The following SLC26A5 variants were observed in gnomAD, a reference collection of about 807,000 sequenced individuals.
SLC26A5 encodes the protein solute carrier family 26 member 5.
SLC26A5 carries 51 observed loss-of-function variants against 81.0 expected under a neutral mutation model. The observed-to-expected ratio is 0.63, with a 90% CI of 0.50 to 0.80. The LOEUF (loss-of-function observed/expected upper bound fraction) is 0.80, where lower values mean the gene tolerates loss of function less well. Ranked by LOEUF, SLC26A5 falls within the 30% of genes least tolerant of loss-of-function variation. SLC26A5 has a pLI of 0.00. For synonymous variants in SLC26A5, 325 were observed against 332.8 expected (o/e 0.98, Z 0.25); for missense variants, 771 against 905.8 (o/e 0.85, Z 1.91).
chr7:103,423,561 A>G (rs1825512942), intron 2 of SLC26A5, among the ~76,000 whole-genome samples: 1 of 152,158 alleles, frequency 6.6e-6, no homozygotes, highest in African/African-American at 2.4e-5. Flanking sequence ...GCACTCACGA[A>G]TGGGATTAAG....
At chr7:103,393,093 G>A (rs775177530) in intron 9 of SLC26A5, 27 bp from the exon 10 acceptor site, 1 of 1,613,654 alleles carries the variant, frequency 6.2e-7, no homozygotes, top group South Asian at 1.1e-5. Flanking sequence ...CCTTTAACTT[G>A]TGTTGTGACC....
intron 2 of SLC26A5, chr7:103,433,580 A>G (rs1826231143): frequency 6.6e-6 from 1 of 152,224 alleles, no homozygotes; most frequent in Non-Finnish European, 1.5e-5. Context: ...CATTATTTCT[A>G]TAACTATGTG....
intron 14 of SLC26A5, among the ~76,000 whole-genome samples, chr7:103,381,534 C>G (rs752578677): frequency 5.9e-5 from 9 of 151,390 alleles, no homozygotes; most frequent in Non-Finnish European, 1.0e-4. Context: ...ACACAATACA[C>G]ACATACCATA....
At chr7:103,360,432 C>G (rs1003837188) in intron 19 of SLC26A5, among the ~76,000 whole-genome samples, 1 of 152,042 alleles carries the variant, frequency 6.6e-6, no homozygotes, top group Admixed American at 6.6e-5. Flanking sequence ...AAAACAGAGT[C>G]CTTCACACAA....
At position 103,391,810 on chromosome 7, in the gene SLC26A5, T is replaced by TAC. The variant is rs1205793157; in HGVS notation, c.1120-77_1120-76dup. On this transcript the variant is annotated intron_variant, in intron 10 of 19. Transcript: ENST00000306312. ...AAAAAAAGCATAATAGCCCATTTAA[T>TAC]ACACATTGTCAGCACTACAGCCTAT... 2.7e-6 allele frequency: 3 copies of TAC among 1,116,510 alleles called. No homozygotes were observed. The African/African-American group carries it at 4.6e-5, about 17-fold the overall frequency. 69.2% of individuals were successfully genotyped at this position (1,116,510 alleles called of 1,614,324 possible). A position where few individuals can be genotyped will look rare whatever the true frequency, so the allele number is the denominator to read the frequency against.
chr7:103,390,231 G>C (rs1362066462), intron 12 of SLC26A5, among the ~76,000 whole-genome samples, 198 bp downstream of exon 12: 2 of 152,176 alleles, frequency 1.3e-5, no homozygotes, highest in Admixed American at 6.5e-5. Flanking sequence ...GAGGAGTTAA[G>C]ATGGCTTTCC....
intron 19 of SLC26A5, among the ~76,000 whole-genome samples, chr7:103,356,037 T>C (rs563534184): frequency 6.6e-6 from 1 of 152,310 alleles, no homozygotes; most frequent in African/African-American, 2.4e-5. Context: ...AATGAAAAAC[T>C]CCCTTCTCAT....
downstream of SLC26A5, among the ~76,000 whole-genome samples, chr7:103,369,828 T>C (rs1220477972): frequency 6.6e-6 from 1 of 152,200 alleles, no homozygotes; most frequent in East Asian, 1.9e-4. Context: ...AACTTCTTAG[T>C]GTTAAAAATG....
In SLC26A5 at chr7:103,392,721, G is replaced by A. The variant is rs62482417; in HGVS notation, c.1119+198C>T. 0.01 allele frequency among the ~76,000 whole-genome samples: 1,568 copies of A among 152,294 alleles called. 16 individuals are homozygous for A. The highest frequency in any genetic ancestry group is 0.016 in the Non-Finnish European group (1,100 of 68,014). On this transcript the variant is annotated intron_variant, in intron 10 of 19. Transcript: ENST00000306312. ...GCCTCCCGAGTAGCTGGGACTACAG[G>A]GGCCTGCCACCATGCCCGGCTAATT... is the stretch of plus-strand genomic sequence containing the variant.
rs561652280 is a variant in SLC26A5 at position 103,403,695 on chromosome 7, C to CTTTT, written c.888+4152_888+4155dup. Among the ~76,000 whole-genome samples, 167 of 128,546 alleles carry CTTTT rather than the reference C, an allele frequency of 1.3e-3. 1 individual carries two copies. The highest frequency in any genetic ancestry group is 4.6e-3 in the African/African-American group (157 of 34,332). 84.3% of individuals were successfully genotyped at this position (128,546 alleles called of 152,430 possible). Reference sequence around the variant, plus strand: ...CAGAGACTAGAACTGCAATCCCCTGCTTTTTTTTTTTTTTTTGCTTTTCAT... The same window carrying CTTTT: ...CAGAGACTAGAACTGCAATCCCCTGCTTTTTTTTTTTTTTTTTTTTGCTTTTCAT... On this transcript the variant is annotated intron_variant, in intron 8 of 19. Coordinates refer to ENST00000306312, the MANE Select transcript of SLC26A5 (RefSeq NM_198999.3).
chr7:103,420,610 T>C (rs1825272019), intron 4 of SLC26A5, 128 bp downstream of exon 4: 1 of 1,285,596 alleles, frequency 7.8e-7, no homozygotes, highest in Non-Finnish European at 1.1e-6. Flanking sequence ...GAAGAATACC[T>C]TTAGATAGGT....
At chr7:103,378,768 T>C (rs1821551500) in intron 16 of SLC26A5, among the ~76,000 whole-genome samples, 1 of 152,220 alleles carries the variant, frequency 6.6e-6, no homozygotes, top group African/African-American at 2.4e-5. Context: ...AACCAGAAGC[T>C]AAAATATTAA....
At chr7:103,394,906 T>C (rs1487219694) in intron 9 of SLC26A5, among the ~76,000 whole-genome samples, 1 of 152,178 alleles carries the variant, frequency 6.6e-6, no homozygotes, top group Non-Finnish European at 1.5e-5. Context: ...TTCCTGTTGC[T>C]CTGAGCCACC....
In SLC26A5 at chr7:103,421,543, G is replaced by A. The variant is rs370864715; in HGVS notation, c.-29C>T. The A allele has an allele frequency of 1.9e-5, 31 of 1,612,014 alleles. No homozygotes were observed. The highest frequency in any genetic ancestry group is 1.8e-4 in the South Asian group (16 of 91,052). Reference sequence around the variant, plus strand: ...ACTCTGAAATTATTCCTTAACAGCCGGAGACAAGCATTTCCTGAGTGTCAC... The same window carrying A: ...ACTCTGAAATTATTCCTTAACAGCCAGAGACAAGCATTTCCTGAGTGTCAC... On this transcript the variant is annotated 5_prime_UTR_variant, in exon 3 of 20. Coordinates refer to ENST00000306312, the MANE Select transcript of SLC26A5 (RefSeq NM_198999.3).
At chr7:103,420,669 T>G in intron 4 of SLC26A5, 69 bp downstream of exon 4, 1 of 1,580,856 alleles carries the variant, frequency 6.3e-7, no homozygotes, top group Non-Finnish European at 8.7e-7. Flanking sequence ...GCAATCATGA[T>G]GAAATAAACA....
intron 2 of SLC26A5, chr7:103,435,160 CTTTTT>C (rs900234653): frequency 6.6e-6 from 1 of 152,088 alleles, no homozygotes; most frequent in Non-Finnish European, 1.5e-5. Flanking sequence ...TGTTCAACAT[CTTTTT>C]TATTTTCTGA....
At chr7:103,391,539 G>C (rs1822653591) in intron 11 of SLC26A5, 83 bp downstream of exon 11, 1 of 1,153,870 alleles carries the variant, frequency 8.7e-7, no homozygotes. Context: ...GAGTAGCTTT[G>C]TTTGGGTTCA....
intron 2 of SLC26A5, among the ~76,000 whole-genome samples, chr7:103,436,751 G>A (rs2382692): frequency 0.39 from 59,122 of 152,128 alleles, 15,585 homozygotes; most frequent in African/African-American, 0.74. Context: ...ATGCAGAAGA[G>A]TGAAATTGGA....
intron 1 of SLC26A5, chr7:103,445,735 T>G (rs910067585): frequency 6.6e-6 from 1 of 152,180 alleles, no homozygotes; most frequent in African/African-American, 2.4e-5. Flanking sequence ...GTAATTCGAT[T>G]TGGATACAAA....
Sources: gnomAD v4.1 joint callset for allele counts (sites outside exome capture counted in the v4.1 genomes callset) on GRCh38, gnomAD v4.1.1 for gene constraint, MANE v1.5 for transcripts, NCBI Gene and HGNC (gene_info 2026-07-23, HGNC 2026-07-21) for gene names.